PRDX2: variants seen among roughly 807,000 people sequenced by gnomAD.
The protein encoded by PRDX2 is peroxiredoxin 2, also known as peroxiredoxin-2.
In PRDX2, 10 loss-of-function variants were observed where a neutral mutation model predicts 19.8. The observed-to-expected ratio is 0.50, with a 90% CI of 0.31 to 0.86. The LOEUF (loss-of-function observed/expected upper bound fraction) is 0.86. Ranked by LOEUF, PRDX2 falls within the 40% of genes least tolerant of loss-of-function variation. The probability of loss-of-function intolerance (pLI) is 0.04; values close to 1 mark genes in which losing one functional copy is unlikely to be tolerated. For synonymous variants in PRDX2, 118 were observed against 108.2 expected (o/e 1.09, Z -0.56); for missense variants, 226 against 260.1 (o/e 0.87, Z 0.90).
chr19:12,796,902 G>A lies in PRDX2; in HGVS notation c.*179C>T, dbSNP rs1189608249. On this transcript the variant is annotated 3_prime_UTR_variant, in exon 6 of 6. Coordinates refer to ENST00000301522, the MANE Select transcript of PRDX2 (RefSeq NM_005809.6). The stretch of plus-strand genomic sequence containing the variant: ...GCTTGGGGGAGGGCGTCACTATTCA[G>A]CTTCTAGGTGGAGGCATGAGAAGGC... 20 of 609,988 alleles carry A rather than the reference G, an allele frequency of 3.3e-5. No individual in the cohort carries two copies. Among genetic ancestry groups the A allele is most frequent in the Admixed American group, 2.9e-4 (10 of 34,150 alleles). The allele number at this position is 609,988 out of a possible 1,614,324, so 37.8% of individuals were successfully genotyped here.
rs1325246995 is a variant in PRDX2 at position 12,799,998 on chromosome 19, A to G, written c.381-9T>C. ...CGATGATAAAGAGGCCCCTGAAGACATCAGGGTTCCCAGTGAGGAGCTGAT... is the reference window on the plus strand; with the variant it reads ...CGATGATAAAGAGGCCCCTGAAGACGTCAGGGTTCCCAGTGAGGAGCTGAT... On this transcript the variant is annotated splice_polypyrimidine_tract_variant and intron_variant, in intron 4 of 5. Transcript: ENST00000301522. 3.2e-5 allele frequency: 51 copies of G among 1,613,228 alleles called. No homozygotes were observed. The highest frequency in any genetic ancestry group is 4.3e-5 in the Non-Finnish European group (51 of 1,179,648).
In PRDX2 at chr19:12,798,652, C is replaced by CTTT. The variant is rs1014273912; in HGVS notation, c.511+1204_511+1206dup. 2.6e-3 allele frequency among the ~76,000 whole-genome samples: 243 copies of CTTT among 95,144 alleles called. 3 individuals are homozygous for CTTT. Among genetic ancestry groups the CTTT allele is most frequent in the African/African-American group, 9.3e-3 (210 of 22,596 alleles). 62.4% of individuals were successfully genotyped at this position (95,144 alleles called of 152,430 possible). On this transcript the variant is annotated intron_variant, in intron 5 of 5. Coordinates refer to ENST00000301522, the MANE Select transcript of PRDX2 (RefSeq NM_005809.6). ...AGGTGTGAGCCACTGCATCTGGCCT[C>CTTT]TTTTTTTTTTTTTTTTTTTTTAACC...
chr19:12,797,328 CTTTT>C (rs112459805), intron 5 of PRDX2, among the ~76,000 whole-genome samples, 162 bp from the exon 6 acceptor site: 2 of 142,570 alleles, frequency 1.4e-5, no homozygotes, highest in African/African-American at 5.2e-5. Context: ...AGTATTTTTT[CTTTT>C]TTTTTTTTTT....
At chr19:12,797,256 T>C (rs578249726) in intron 5 of PRDX2, 90 bp from the exon 6 acceptor site, 1 of 1,044,390 alleles carries the variant, frequency 9.6e-7, no homozygotes, top group East Asian at 2.5e-5. Context: ...AAGAAAATGC[T>C]GGAAGCAAGT....
intron 1 of PRDX2, 45 bp from the exon 2 acceptor site, chr19:12,801,315 C>A: frequency 6.4e-7 from 1 of 1,556,952 alleles, no homozygotes. Flanking sequence ...ACACTTTGTC[C>A]TCCCAACCCA....
At position 12,800,934 on chromosome 19, in the gene PRDX2, TGA is replaced by T. The variant is rs777514193; in HGVS notation, c.237_238del (p.Gln80ValfsTer26). The T allele has an allele frequency of 2.5e-6, 4 of 1,610,564 alleles. No homozygotes were observed. In the East Asian group the frequency reaches 6.7e-5, roughly 27 times the overall value. On this transcript the variant is annotated frameshift_variant, in exon 3 of 6. Transcript: ENST00000301522. LOFTEE classifies it high-confidence loss of function. Reference sequence around the variant, plus strand: ...CTCATACCAAGCCAGGTGGGTGAACTGAGAGTCCACCGAGACGCCCAGCACTT... The same window carrying T: ...CTCATACCAAGCCAGGTGGGTGAACTGAGTCCACCGAGACGCCCAGCACTT...
chr19:12,800,664 C>A, intron 3 of PRDX2: 1 of 1,432,440 alleles, frequency 7.0e-7, no homozygotes. Context: ...CACAGCCTCC[C>A]TCCTGGGAAC....
chr19:12,799,148 C>T (rs1375252252), intron 5 of PRDX2, among the ~76,000 whole-genome samples: 2 of 151,958 alleles, frequency 1.3e-5, no homozygotes, highest in African/African-American at 2.4e-5. Flanking sequence ...ATCTGCCCGC[C>T]TCGGCCTCCC....
Position 12,801,082 on chromosome 19 carries a change from GAC to G in PRDX2, c.104-15_104-14del, listed in dbSNP as rs777844016. 1 of 1,611,758 alleles carries G rather than the reference GAC, an allele frequency of 6.2e-7. No homozygotes were observed. Among genetic ancestry groups the G allele is most frequent in the Admixed American group, 1.7e-5 (1 of 59,866 alleles). The stretch of plus-strand genomic sequence containing the variant: ...ACCACGTACTTCCCTGGGGAGGAGG[GAC>G]ACAGAGGAGTTAGGGCCCAGCTTCT... On this transcript the variant is annotated splice_polypyrimidine_tract_variant and intron_variant, in intron 2 of 5. Coordinates refer to ENST00000301522, the MANE Select transcript of PRDX2 (RefSeq NM_005809.6).
rs1323077762 is a variant in PRDX2, at chr19:12,799,997, C to T, written c.381-8G>A. 5 of 1,612,992 alleles carry T rather than the reference C, an allele frequency of 3.1e-6. No homozygotes were observed. Among genetic ancestry groups the T allele is most frequent in the Non-Finnish European group, 4.2e-6 (5 of 1,179,614 alleles). ...TCGATGATAAAGAGGCCCCTGAAGACATCAGGGTTCCCAGTGAGGAGCTGA... is the reference window on the plus strand; with the variant it reads ...TCGATGATAAAGAGGCCCCTGAAGATATCAGGGTTCCCAGTGAGGAGCTGA... On this transcript the variant is annotated splice_region_variant and splice_polypyrimidine_tract_variant and intron_variant, in intron 4 of 5. Transcript: ENST00000301522.
chr19:12,798,413 AC>A lies in PRDX2; in HGVS notation c.512-1248del, dbSNP rs992805840. Among the ~76,000 whole-genome samples, 6 of 150,000 alleles carry A rather than the reference AC, an allele frequency of 4.0e-5. 1 individual carries two copies. The highest frequency in any genetic ancestry group is 1.2e-4 in the African/African-American group (5 of 40,744). On this transcript the variant is annotated intron_variant, in intron 5 of 5. Transcript: ENST00000301522. ...GTTGCCCAGGCTGGAGTGCAATGGC[AC>A]GATCTCAGCTCACTGCAACCTCCGC...
At chr19:12,799,786 C>T (rs1568384043) in intron 5 of PRDX2, 73 bp downstream of exon 5, 8 of 1,567,070 alleles carry the variant, frequency 5.1e-6, no homozygotes, top group Non-Finnish European at 6.9e-6. Context: ...GGTAAGAGGA[C>T]AGGCAGTGAA....
chr19:12,799,819 G>A (rs147199631), intron 5 of PRDX2, 40 bp downstream of exon 5: 377 of 1,599,270 alleles, frequency 2.4e-4, no homozygotes, highest in East Asian at 6.5e-4. Context: ...TGACGGAGGC[G>A]CTCAGTATGT....
intron 2 of PRDX2, 40 bp downstream of exon 2, chr19:12,801,119 G>A (rs1395228082): frequency 3.1e-6 from 5 of 1,613,728 alleles, no homozygotes; most frequent in South Asian, 1.1e-5. Context: ...TCTCATGCAC[G>A]GCCCCGCTTC....
chr19:12,797,656 C>CTTTCTTTT (rs1321932913), intron 5 of PRDX2, among the ~76,000 whole-genome samples: 4 of 113,058 alleles, frequency 3.5e-5, no homozygotes, highest in African/African-American at 1.5e-4. Context: ...TTCTTTCTTT[C>CTTTCTTTT]TTTTTTTTTT....
Position 12,801,159 on chromosome 19 carries a change from CT to C in PRDX2, c.102del (p.Lys36SerfsTer64). 1 of 1,614,004 alleles carries C rather than the reference CT, an allele frequency of 6.2e-7. No homozygotes were observed. Among genetic ancestry groups the C allele is most frequent in the Non-Finnish European group, 8.5e-7 (1 of 1,180,020 alleles). Reference sequence around the variant, plus strand: ...TGGGCCCCCTCCGGGCGGCGCTCACCTTTGTAGTCCGACAGCTTCACCTCTT... The same window carrying C: ...TGGGCCCCCTCCGGGCGGCGCTCACCTTGTAGTCCGACAGCTTCACCTCTT... ...AFKEVKLSDY[K>X]GKYVVLFFYP... On this transcript the variant is annotated frameshift_variant and splice_region_variant, in exon 2 of 6. Transcript: ENST00000301522. LOFTEE classifies it high-confidence loss of function.
chr19:12,799,608 C>T, intron 5 of PRDX2: 1 of 336,730 alleles, frequency 3.0e-6, no homozygotes, highest in Non-Finnish European at 5.5e-6. Context: ...GATCCACCTG[C>T]CACAGCTTCC....
intron 1 of PRDX2, 30 bp from the exon 2 acceptor site, chr19:12,801,300 G>T: frequency 6.3e-7 from 1 of 1,581,926 alleles, no homozygotes; most frequent in Non-Finnish European, 8.6e-7. Context: ...AGTGCGCCCG[G>T]GAAGACACTT....
intron 5 of PRDX2, among the ~76,000 whole-genome samples, chr19:12,798,604 G>A (rs1002440054): frequency 6.7e-6 from 1 of 148,538 alleles, no homozygotes; most frequent in African/African-American, 2.5e-5. Flanking sequence ...ACCCACCTAG[G>A]CCTCCCAAAA....
Sources: allele counts gnomAD v4.1 joint callset (sites outside exome capture counted in the v4.1 genomes callset), GRCh38; gene constraint gnomAD v4.1.1; transcripts MANE v1.5; gene names NCBI Gene and HGNC (gene_info 2026-07-23, HGNC 2026-07-21).